The following REXO5 variants were observed in gnomAD, a reference collection of about 807,000 sequenced individuals.
REXO5 encodes the protein exonuclease NEF-sp.
In REXO5, 48 loss-of-function variants were observed where a neutral mutation model predicts 88.5. The ratio of observed to expected loss-of-function variants is 0.54; its 90% CI spans 0.43 to 0.69. The LOEUF is 0.69. REXO5 is among the 30% of genes least tolerant of loss of function. REXO5 has a pLI of 0.00. For missense variants in REXO5, 749 were observed against 912.2 expected (o/e 0.82, Z 2.30); for synonymous variants, 311 against 336.5 (o/e 0.92, Z 0.83).
Position 20,807,101 on chromosome 16 carries a change from G to C in REXO5, c.138+10G>C, listed in dbSNP as rs948849860. The C allele has an allele frequency of 6.3e-7, 1 of 1,598,254 alleles. No homozygotes were observed. Among genetic ancestry groups the C allele is most frequent in the Non-Finnish European group, 8.5e-7 (1 of 1,173,510 alleles). ...TCAGCCCGAGGCCAAGGTGAGCAAC[G>C]GGGATCCCGAGCAGGCGGCCCTAGG... On this transcript the variant is annotated intron_variant, in intron 2 of 19. Coordinates refer to ENST00000261377, the MANE Select transcript of REXO5 (RefSeq NM_030941.3).
Position 20,813,311 on chromosome 16 carries a change from T to G in REXO5, c.251+9T>G. ...AATGTTCCAAAACCCAGGTATGAGA[T>G]GAATTTAAATGGTGGGTATTGACCA... is the stretch of plus-strand genomic sequence containing the variant. On this transcript the variant is annotated intron_variant, in intron 3 of 19. Transcript: ENST00000261377. 6.5e-7 allele frequency: 1 copy of G among 1,527,884 alleles called. No individual in the cohort carries two copies. The highest frequency in any genetic ancestry group is 9.1e-7 in the Non-Finnish European group (1 of 1,102,642). The allele number at this position is 1,527,884 out of a possible 1,614,324, so 94.6% of individuals were successfully genotyped here.
At chr16:20,814,027 C>T (rs1163766392) in intron 3 of REXO5, among the ~76,000 whole-genome samples, 1 of 151,534 alleles carries the variant, frequency 6.6e-6, no homozygotes, top group South Asian at 2.1e-4. Flanking sequence ...TGGCTAGCTA[C>T]TTCGAGAACT....
At position 20,844,756 on chromosome 16, in the gene REXO5, T is replaced by C. The variant is rs1416310020; in HGVS notation, c.1847T>C (p.Leu616Ser). 2 of 1,614,208 alleles carry C rather than the reference T, an allele frequency of 1.2e-6. No homozygotes were observed. The highest frequency in any genetic ancestry group is 1.1e-5 in the South Asian group (1 of 91,086). Residue 616 changes from leucine to serine, a missense_variant, in exon 17 of 20, where the codon TTG becomes TCG. By Grantham distance (145) the Leu-to-Ser change is moderately radical (BLOSUM62 -2). Coordinates refer to ENST00000261377, the MANE Select transcript of REXO5 (RefSeq NM_030941.3). ...GVSETFKEQL[L>S]QEPRLFLGLE... The stretch of plus-strand genomic sequence containing the variant: ...AGTGAAACCTTCAAAGAACAGCTAT[T>C]GCAGGAGCCCCGCCTCTTTCTTGGC...
intron 6 of REXO5, among the ~76,000 whole-genome samples, chr16:20,822,437 T>C (rs1416255759): frequency 6.6e-6 from 1 of 152,226 alleles, no homozygotes; most frequent in Non-Finnish European, 1.5e-5. Flanking sequence ...AAAACAGATA[T>C]AATTTAACAT....
intron 2 of REXO5, among the ~76,000 whole-genome samples, chr16:20,810,728 A>G (rs1428424365): frequency 6.6e-6 from 1 of 152,094 alleles, no homozygotes; most frequent in African/African-American, 2.4e-5. Context: ...TTCACTAACA[A>G]TGAGAAACCC....
chr16:20,844,050 C>T, intron 16 of REXO5, 24 bp downstream of exon 16: 1 of 1,460,400 alleles, frequency 6.8e-7, no homozygotes, highest in East Asian at 2.3e-5. Context: ...AGAAAGCCCC[C>T]TTTGCTTGGG....
Position 20,816,129 on chromosome 16 carries a change from C to G in REXO5, c.392C>G (p.Pro131Arg), listed in dbSNP as rs373014331. ...RKAFRHKFRLPPPSSDFLADV... is the reference protein window; with the variant it reads ...RKAFRHKFRLRPPSSDFLADV... ...ATATATTTTCAGAAATTCCGCTTGCCTCCACCATCATCTGATTTTCTAGCT... is the reference window on the plus strand; with the variant it reads ...ATATATTTTCAGAAATTCCGCTTGCGTCCACCATCATCTGATTTTCTAGCT... Residue 131 changes from proline to arginine, a missense_variant, in exon 5 of 20, where the codon CCT (proline) becomes CGT (arginine). Physicochemically the swap from Pro to Arg is moderately radical, Grantham distance 103. Coordinates refer to ENST00000261377, the MANE Select transcript of REXO5 (RefSeq NM_030941.3). The G allele has an allele frequency of 2.4e-5, 39 of 1,613,860 alleles. No individual in the cohort carries two copies. Among genetic ancestry groups the G allele is most frequent in the Non-Finnish European group, 3.3e-5 (39 of 1,179,962 alleles).
At chr16:20,820,926 A>C (rs2081174504) in intron 5 of REXO5, 1 of 152,030 alleles carries the variant, frequency 6.6e-6, no homozygotes, top group Non-Finnish European at 1.5e-5. Context: ...TTAACTACTT[A>C]AGATTTTCCC....
chr16:20,813,895 C>CA lies in REXO5; in HGVS notation c.251+603dup, dbSNP rs1016487276. ...GCAACATAGCGAGACTCAGGCCCTA[C>CA]AAAAAAAAAAGAGAATCTTACTGTT... On this transcript the variant is annotated intron_variant, in intron 3 of 19. Coordinates refer to ENST00000261377, the MANE Select transcript of REXO5 (RefSeq NM_030941.3). 5.3e-3 allele frequency among the ~76,000 whole-genome samples: 761 copies of CA among 144,532 alleles called. 5 individuals carry two copies. The highest frequency in any genetic ancestry group is 0.017 in the African/African-American group (671 of 39,404). 94.8% of individuals were successfully genotyped at this position (144,532 alleles called of 152,430 possible).
In REXO5 at chr16:20,833,025, G is replaced by C. The variant is rs1393270787; in HGVS notation, c.1285G>C (p.Val429Leu). ...NTSVLECLDS[V>L]GQKLLFLTRE... ...TAGTGTTTTAGAATGCTTGGATTCA[G>C]TGGGTCAGAAGCTTCTTTTTTTGAC... Residue 429 changes from valine to leucine, a missense_variant, in exon 13 of 20, where the codon GTG becomes CTG. Val to Leu is a conservative substitution (Grantham distance 32). Transcript: ENST00000261377. The C allele has an allele frequency of 6.2e-7, 1 of 1,613,714 alleles. No homozygotes were observed. Among genetic ancestry groups the C allele is most frequent in the Non-Finnish European group, 8.5e-7 (1 of 1,179,758 alleles).
chr16:20,824,636 T>C (rs1846975167), intron 7 of REXO5, 109 bp downstream of exon 7: 5 of 720,518 alleles, frequency 6.9e-6, no homozygotes, highest in Non-Finnish European at 1.2e-5. Context: ...ATTTTTAGTA[T>C]TCTGTTTTAA....
chr16:20,827,591 A>C, intron 10 of REXO5, 144 bp downstream of exon 10: 1 of 647,588 alleles, frequency 1.5e-6, no homozygotes, highest in Non-Finnish European at 2.7e-6. Context: ...TTATGAAATG[A>C]AGAAATTGTA....
At chr16:20,811,691 A>G (rs909962400) in intron 2 of REXO5, among the ~76,000 whole-genome samples, 2 of 152,230 alleles carry the variant, frequency 1.3e-5, no homozygotes, top group Admixed American at 1.3e-4. Flanking sequence ...ACACACTTAC[A>G]AAGTTGTGAG....
At chr16:20,845,394 C>G (rs2081592490) in intron 18 of REXO5, among the ~76,000 whole-genome samples, 153 bp downstream of exon 18, 1 of 151,396 alleles carries the variant, frequency 6.6e-6, no homozygotes, top group Admixed American at 6.6e-5. Flanking sequence ...TCTCGCAGAT[C>G]TCTCATACTT....
chr16:20,827,320 GACAC>G (rs2081274601), intron 9 of REXO5, 29 bp from the exon 10 acceptor site: 6 of 1,602,406 alleles, frequency 3.7e-6, no homozygotes, highest in Non-Finnish European at 4.3e-6. Context: ...TTTAGCATAA[GACAC>G]TACTCATTTT....
intron 13 of REXO5, among the ~76,000 whole-genome samples, chr16:20,834,449 G>A (rs2081393953): frequency 6.6e-6 from 1 of 152,024 alleles, no homozygotes; most frequent in Non-Finnish European, 1.5e-5. Context: ...TCTTTTTTAT[G>A]CGTCTTTTGC....
chr16:20,833,499 C>T (rs1294999639), intron 13 of REXO5, among the ~76,000 whole-genome samples: 1 of 152,030 alleles, frequency 6.6e-6, no homozygotes, highest in East Asian at 1.9e-4. Flanking sequence ...CAAACATGAG[C>T]TTATTATGTT....
At chr16:20,821,327 C>A (rs2081181752) in intron 5 of REXO5, among the ~76,000 whole-genome samples, 2 of 152,152 alleles carry the variant, frequency 1.3e-5, no homozygotes, top group Admixed American at 1.3e-4. Context: ...CGCTCTGCTG[C>A]CCAGGCTGGA....
In REXO5 at chr16:20,845,197, G is replaced by A; in HGVS notation, c.2080G>A (p.Gly694Arg). Residue 694 changes from glycine (G) to arginine (R), a missense_variant, in exon 18 of 20, where the codon GGG (glycine) becomes AGG (arginine). By Grantham distance (125) the Gly-to-Arg change is moderately radical. Coordinates refer to ENST00000261377, the MANE Select transcript of REXO5 (RefSeq NM_030941.3). Reference sequence around the variant, plus strand: ...ACCACCTGAATCAACAAGGCTCCCAGGGCTTCGTGTTGTACCTCCCCCCTT... The same window carrying A: ...ACCACCTGAATCAACAAGGCTCCCAAGGCTTCGTGTTGTACCTCCCCCCTT... Reference protein sequence around the residue: ...GLPPESTRLPGLRVVPPPFEQ... With the variant: ...GLPPESTRLPRLRVVPPPFEQ... The A allele has an allele frequency of 5.0e-6, 8 of 1,613,878 alleles. No individual in the cohort carries two copies. Among genetic ancestry groups the A allele is most frequent in the Non-Finnish European group, 5.9e-6 (7 of 1,179,932 alleles).
Sources: allele counts gnomAD v4.1 joint callset (sites outside exome capture counted in the v4.1 genomes callset), GRCh38; gene constraint gnomAD v4.1.1; transcripts MANE v1.5; gene names NCBI Gene and HGNC (gene_info 2026-07-23, HGNC 2026-07-21).